The following CTSH variants were observed in gnomAD, a reference collection of about 807,000 sequenced individuals.
The protein encoded by CTSH is pro-cathepsin H.
A neutral mutation model predicts 56.3 loss-of-function variants in CTSH; 52 were observed. The observed-to-expected ratio is 0.92, with a 90% confidence interval of 0.74 to 1.16. The LOEUF is 1.16. Among genes scored for constraint, CTSH ranks in the 50% most tolerant of loss-of-function variants. CTSH has a pLI of 0.00. For synonymous variants in CTSH, 174 were observed against 155.7 expected (o/e 1.12, Z -0.88); for missense variants, 406 against 424.5 (o/e 0.96, Z 0.38).
chr15:78,926,453 C>G (rs1193811035), intron 9 of CTSH: 5 of 152,350 alleles, frequency 3.3e-5, no homozygotes, highest in Non-Finnish European at 5.9e-5. Context: ...ATGGGCCTGC[C>G]CAAGAGGGCT....
At position 78,935,205 on chromosome 15, in the gene CTSH, C is replaced by T. The variant is rs968222892; in HGVS notation, c.301-123G>A. 1.2e-5 allele frequency: 8 copies of T among 679,284 alleles called. No individual in the cohort carries two copies. In the African/African-American group the frequency reaches 1.4e-4, roughly 12 times the overall value. The allele number at this position is 679,284 out of a possible 1,614,324, so 42.1% of individuals were successfully genotyped here. On this transcript the variant is annotated intron_variant, in intron 4 of 11. Transcript: ENST00000220166. The stretch of plus-strand genomic sequence containing the variant: ...AGAGAATAAGAAAGGCTGCAGCTCT[C>T]AGAACCTTCCCTCTCCTGTCTACTG...
Position 78,921,928 on chromosome 15 carries a change from A to T in CTSH, c.*202T>A. On this transcript the variant is annotated 3_prime_UTR_variant, in exon 12 of 12. Coordinates refer to ENST00000220166, the MANE Select transcript of CTSH (RefSeq NM_004390.5). ...AGGACACTAAGGCACATGGCTGGTG[A>T]TCTTTGCGTCATAGACACGGGTGAG... 1 of 586,536 alleles carries T rather than the reference A, an allele frequency of 1.7e-6. No individual in the cohort carries two copies. The highest frequency in any genetic ancestry group is 3.0e-6 in the Non-Finnish European group (1 of 329,256). 36.3% of individuals were successfully genotyped at this position (586,536 alleles called of 1,614,324 possible).
At chr15:78,934,169 AG>A (rs1376933435) in intron 5 of CTSH, among the ~76,000 whole-genome samples, 1 of 152,262 alleles carries the variant, frequency 6.6e-6, no homozygotes, top group Non-Finnish European at 1.5e-5. Context: ...GGCAGGCTCC[AG>A]GAACACTGCA....
rs2054765971 is a variant in CTSH, at chr15:78,921,301, GAGATCA to G, written c.*823_*828del. The G allele has an allele frequency of 6.6e-6, 1 of 152,118 alleles. No individual in the cohort carries two copies. The highest frequency in any genetic ancestry group is 1.5e-5 in the Non-Finnish European group (1 of 68,064). 9.4% of individuals were successfully genotyped at this position (152,118 alleles called of 1,614,324 possible). On this transcript the variant is annotated 3_prime_UTR_variant, in exon 12 of 12. Coordinates refer to ENST00000220166, the MANE Select transcript of CTSH (RefSeq NM_004390.5). ...CAACTTCATGGCCGCCCTCTAAACA[GAGATCA>G]AGATTTCTCAAAAGGCAAGATAAGG... is the stretch of plus-strand genomic sequence containing the variant.
chr15:78,921,870 A>T lies in CTSH; in HGVS notation c.*260T>A. 1 of 511,964 alleles carries T rather than the reference A, an allele frequency of 2.0e-6. No individual in the cohort carries two copies. Among genetic ancestry groups the T allele is most frequent in the Non-Finnish European group, 3.5e-6 (1 of 286,944 alleles). 31.7% of individuals were successfully genotyped at this position (511,964 alleles called of 1,614,324 possible). ...AGTAGCCCTTCTGGACAGAAAGAAT[A>T]TTCGTGGTCCATGTGGTTTGAGTCT... On this transcript the variant is annotated 3_prime_UTR_variant, in exon 12 of 12. Coordinates refer to ENST00000220166, the MANE Select transcript of CTSH (RefSeq NM_004390.5).
chr15:78,927,508 A>G (rs1449472369), intron 9 of CTSH: 5 of 563,792 alleles, frequency 8.9e-6, no homozygotes, highest in Non-Finnish European at 9.5e-6. Flanking sequence ...TCAGAACCAG[A>G]GGGCCTGCCT....
rs2055144874 is a variant in CTSH, at chr15:78,934,976, A to G, written c.405+2T>C. 2 of 1,603,620 alleles carry G rather than the reference A, an allele frequency of 1.2e-6. No homozygotes were observed. Among genetic ancestry groups the G allele is most frequent in the African/African-American group, 2.7e-5 (2 of 74,760 alleles). ...GGAGAGGATGGAGATTGCCAGGCATACCTGATTTTTCACAGGTGAGACAAA... is the reference window on the plus strand; with the variant it reads ...GGAGAGGATGGAGATTGCCAGGCATGCCTGATTTTTCACAGGTGAGACAAA... On this transcript the variant is annotated splice_donor_variant, in intron 5 of 11. Coordinates refer to ENST00000220166, the MANE Select transcript of CTSH (RefSeq NM_004390.5). LOFTEE classifies it high-confidence loss of function.
At chr15:78,926,726 C>G (rs1005706524) in intron 9 of CTSH, 1 of 152,208 alleles carries the variant, frequency 6.6e-6, no homozygotes, top group Non-Finnish European at 1.5e-5. Context: ...CATCTATTTC[C>G]TAGCTCTGTG....
intron 9 of CTSH, 21 bp from the exon 10 acceptor site, chr15:78,925,461 C>T (rs1567349304): frequency 6.5e-7 from 1 of 1,528,500 alleles, no homozygotes. Flanking sequence ...AGGACCGAGA[C>T]AGAAACACAT....
intron 2 of CTSH, among the ~76,000 whole-genome samples, chr15:78,938,362 C>CT (rs2055220240): frequency 6.7e-6 from 1 of 148,668 alleles, no homozygotes; most frequent in African/African-American, 2.5e-5. Context: ...AAGTGAGACT[C>CT]TGTCTCAAAA....
chr15:78,944,816 G>T, intron 1 of CTSH, 75 bp downstream of exon 1: 1 of 1,470,884 alleles, frequency 6.8e-7, no homozygotes. Context: ...AGCCCAGTGC[G>T]CCCCTGGCCA....
At chr15:78,935,797 A>G (rs1429414241) in intron 3 of CTSH, 47 bp from the exon 4 acceptor site, 1 of 1,402,072 alleles carries the variant, frequency 7.1e-7, no homozygotes, top group Admixed American at 1.8e-5. Context: ...TTAGTGAATC[A>G]CTAATGAAGA....
chr15:78,924,893 G>A (rs962518254), intron 10 of CTSH, among the ~76,000 whole-genome samples: 11 of 146,406 alleles, frequency 7.5e-5, no homozygotes, highest in East Asian at 2.1e-4. Context: ...ATGGGGTTTC[G>A]CCATGTTGGC....
At chr15:78,926,630 G>A (rs2054908684) in intron 9 of CTSH, 2 of 152,248 alleles carry the variant, frequency 1.3e-5, no homozygotes, top group Admixed American at 1.3e-4. Flanking sequence ...TGAAGAGGGT[G>A]ACATCCTGAG....
chr15:78,941,448 AAAT>A (rs2055289107), intron 1 of CTSH, among the ~76,000 whole-genome samples: 2 of 147,584 alleles, frequency 1.4e-5, no homozygotes, highest in African/African-American at 5.0e-5. Context: ...AAAAAAAAAA[AAAT>A]TAAATGTTTT....
At chr15:78,932,810 C>T (rs938885357) in intron 5 of CTSH, among the ~76,000 whole-genome samples, 1 of 152,134 alleles carries the variant, frequency 6.6e-6, no homozygotes, top group African/African-American at 2.4e-5. Context: ...GGCCTGGAGT[C>T]CCCCACCCCA....
intron 7 of CTSH, among the ~76,000 whole-genome samples, chr15:78,930,825 C>T (rs775730079): frequency 3.2e-4 from 48 of 152,078 alleles, no homozygotes; most frequent in Non-Finnish European, 5.1e-4. Flanking sequence ...GGAGGGGAGT[C>T]GAGGCACGGC....
chr15:78,928,583 A>C (rs2054971422), intron 8 of CTSH, among the ~76,000 whole-genome samples: 1 of 149,774 alleles, frequency 6.7e-6, no homozygotes, highest in African/African-American at 2.5e-5. Context: ...AAAAAAAAAA[A>C]AAAAAAGAAG....
chr15:78,929,594 G>T, intron 7 of CTSH, 101 bp from the exon 8 acceptor site: 1 of 742,438 alleles, frequency 1.3e-6, no homozygotes, highest in Non-Finnish European at 2.2e-6. Context: ...GCAGGCTGGG[G>T]ACTTGGTTGG....
Sources: gnomAD v4.1 joint callset for allele counts (sites outside exome capture counted in the v4.1 genomes callset) on GRCh38, gnomAD v4.1.1 for gene constraint, MANE v1.5 for transcripts, NCBI Gene and HGNC (gene_info 2026-07-23, HGNC 2026-07-21) for gene names.